The following PBX4 variants were observed in gnomAD, a reference collection of about 807,000 sequenced individuals.
PBX4 encodes the protein PBX homeobox 4.
A neutral mutation model predicts 35.1 loss-of-function variants in PBX4; 26 were observed. The observed-to-expected ratio is 0.74, with a 90% CI of 0.54 to 1.03. PBX4 has a LOEUF of 1.03. Ranked by LOEUF, PBX4 falls within the 50% of genes least tolerant of loss-of-function variation. The pLI, the probability that PBX4 is intolerant of heterozygous loss-of-function variation, is 0.00. For missense variants in PBX4, 448 were observed against 504.3 expected (o/e 0.89, Z 1.07); for synonymous variants, 199 against 204.2 (o/e 0.97, Z 0.22).
chr19:19,565,039 C>A lies in PBX4; in HGVS notation c.819G>T (p.Gly273=), dbSNP rs780220611. 1.9e-6 allele frequency: 3 copies of A among 1,614,214 alleles called. No individual in the cohort carries two copies. The highest frequency in any genetic ancestry group is 2.5e-6 in the Non-Finnish European group (3 of 1,180,044). The change falls in exon 6 of 8, where the codon GGG becomes GGT. Residue 273 remains glycine (G), a synonymous_variant. Coordinates refer to ENST00000251203, the MANE Select transcript of PBX4 (RefSeq NM_025245.3). Reference sequence around the variant, plus strand: ...AAATGGTAGCCTCTTCTTGAAACTTCCCCATGTTCTTTTTATACCGGATTC... The same window carrying A: ...AAATGGTAGCCTCTTCTTGAAACTTACCCATGTTCTTTTTATACCGGATTC... ...NKRIRYKKNM[G]KFQEEATIYT...
intron 2 of PBX4, among the ~76,000 whole-genome samples, chr19:19,596,482 GT>G (rs1347019699): frequency 6.6e-6 from 1 of 152,186 alleles, no homozygotes; most frequent in Non-Finnish European, 1.5e-5. Flanking sequence ...GTGTGTGTGT[GT>G]ACACACGCAT....
intron 2 of PBX4, among the ~76,000 whole-genome samples, chr19:19,571,160 C>A (rs1447674328): frequency 6.6e-6 from 1 of 152,182 alleles, no homozygotes; most frequent in Non-Finnish European, 1.5e-5. Context: ...GTCACCTGAA[C>A]CCCTGAACCG....
At chr19:19,615,259 A>AT (rs1230257462) in intron 1 of PBX4, among the ~76,000 whole-genome samples, 1 of 150,534 alleles carries the variant, frequency 6.6e-6, no homozygotes, top group Admixed American at 6.6e-5. Flanking sequence ...AGGTGTGAAG[A>AT]TTGCTTGGGC....
chr19:19,588,300 G>T, intron 2 of PBX4: 1 of 1,112,046 alleles, frequency 9.0e-7, no homozygotes, highest in Non-Finnish European at 1.4e-6. Flanking sequence ...CCAGAGTGCA[G>T]GGACGCACAT....
chr19:19,568,974 C>T (rs1388744913), intron 5 of PBX4, among the ~76,000 whole-genome samples: 7 of 152,230 alleles, frequency 4.6e-5, no homozygotes, highest in Non-Finnish European at 8.8e-5. Context: ...ACGGGGAGAG[C>T]GCTGGAGTCC....
At chr19:19,586,887 C>T (rs1036862699) in intron 2 of PBX4, among the ~76,000 whole-genome samples, 5 of 151,044 alleles carry the variant, frequency 3.3e-5, no homozygotes, top group Non-Finnish European at 1.5e-5. Context: ...GCCGAGATCG[C>T]GCCACTGTAC....
At chr19:19,576,544 T>A (rs560409487) in intron 2 of PBX4, among the ~76,000 whole-genome samples, 125 of 152,064 alleles carry the variant, frequency 8.2e-4, no homozygotes, top group Admixed American at 2.6e-3. Flanking sequence ...ATTTTTTTTT[T>A]AAATCATTTA....
intron 5 of PBX4, among the ~76,000 whole-genome samples, chr19:19,566,101 G>A (rs1255319326): frequency 6.6e-6 from 1 of 151,844 alleles, no homozygotes; most frequent in African/African-American, 2.4e-5. Flanking sequence ...AGCTGTTATC[G>A]TCCCTGCTGT....
At chr19:19,593,099 C>CGTT (rs997022815) in intron 2 of PBX4, among the ~76,000 whole-genome samples, 2 of 152,268 alleles carry the variant, frequency 1.3e-5, no homozygotes, top group African/African-American at 2.4e-5. Flanking sequence ...TAATCTTTGC[C>CGTT]GTTGTTGTTG....
At chr19:19,594,310 C>A (rs937595157) in intron 2 of PBX4, among the ~76,000 whole-genome samples, 1 of 150,436 alleles carries the variant, frequency 6.6e-6, no homozygotes. Context: ...GAGGCTGAGG[C>A]AGGAAAATTG....
chr19:19,574,360 T>A (rs1162577273), intron 2 of PBX4, among the ~76,000 whole-genome samples: 27 of 152,202 alleles, frequency 1.8e-4, no homozygotes, highest in Admixed American at 1.8e-3. Flanking sequence ...CACATACTTA[T>A]TTAAGCAGAC....
chr19:19,616,630 T>C (rs2061690512), intron 1 of PBX4, among the ~76,000 whole-genome samples: 1 of 151,372 alleles, frequency 6.6e-6, no homozygotes, highest in Non-Finnish European at 1.5e-5. Context: ...CAAACAAAAC[T>C]CTTTACTGAG....
chr19:19,563,498 C>G lies in PBX4; in HGVS notation c.1032+11G>C, dbSNP rs1462005485. ...CCACCTGGGCGCTGTGGGACAGTGCCTGAGACTCACCTGGGACTGCAGGCA... is the reference window on the plus strand; with the variant it reads ...CCACCTGGGCGCTGTGGGACAGTGCGTGAGACTCACCTGGGACTGCAGGCA... On this transcript the variant is annotated intron_variant, in intron 7 of 7. Transcript: ENST00000251203. The surrounding 1 kb of genome is among the most constrained non-coding windows in gnomAD (Gnocchi z 5.1). 1 of 1,544,990 alleles carries G rather than the reference C, an allele frequency of 6.5e-7. No individual in the cohort carries two copies. The highest frequency in any genetic ancestry group is 2.0e-5 in the Admixed American group (1 of 50,868).
chr19:19,604,478 A>AAAAAAAAAAAAAG (rs71170701), intron 1 of PBX4, among the ~76,000 whole-genome samples: 1 of 150,626 alleles, frequency 6.6e-6, no homozygotes, highest in Non-Finnish European at 1.5e-5. Context: ...AAAAAAAAAA[A>AAAAAAAAAAAAAG]GGAATACAAC....
intron 1 of PBX4, among the ~76,000 whole-genome samples, chr19:19,616,203 G>C (rs2061687976): frequency 6.6e-6 from 1 of 152,148 alleles, no homozygotes; most frequent in African/African-American, 2.4e-5. Flanking sequence ...ACGGATCCTG[G>C]CTGGCTGACA....
chr19:19,565,971 C>T (rs1426137989), intron 5 of PBX4, among the ~76,000 whole-genome samples: 2 of 151,818 alleles, frequency 1.3e-5, no homozygotes, highest in African/African-American at 4.8e-5. Context: ...CTCTGTTGCC[C>T]AGGCTGGTCT....
intron 2 of PBX4, among the ~76,000 whole-genome samples, chr19:19,595,862 C>G (rs1247342910): frequency 6.6e-6 from 1 of 152,154 alleles, no homozygotes; most frequent in Non-Finnish European, 1.5e-5. Flanking sequence ...GGAGCAGGCT[C>G]TCACTGTTGG....
Position 19,562,192 on chromosome 19 carries a change from G to A in PBX4, c.1033-75C>T, listed in dbSNP as rs1390299899. 25 of 1,106,270 alleles carry A rather than the reference G, an allele frequency of 2.3e-5. No homozygotes were observed. The highest frequency in any genetic ancestry group is 2.2e-4 in the Middle Eastern group (1 of 4,564). The allele number at this position is 1,106,270 out of a possible 1,614,324, so 68.5% of individuals were successfully genotyped here. On this transcript the variant is annotated intron_variant, in intron 7 of 7. Coordinates refer to ENST00000251203, the MANE Select transcript of PBX4 (RefSeq NM_025245.3). This position sits in a 1 kb window ranked among gnomAD's most constrained non-coding sequence, Gnocchi z 4.8. ...ACTACCCAGCCCACGTGCTGCAGGC[G>A]GAGCCTCCAGGGGTCCCTGGGAAGG...
At position 19,618,520 on chromosome 19, in the gene PBX4, G is replaced by T; in HGVS notation, c.110C>A (p.Ala37Glu). Reference sequence around the variant, plus strand: ...AGCCCGCGGGCAGCACCTGGCCTGTGCCTCGTCCAGGCTCTGGTCGGTGAT... The same window carrying T: ...AGCCCGCGGGCAGCACCTGGCCTGTTCCTCGTCCAGGCTCTGGTCGGTGAT... ...MAITDQSLDE[A>E]QARKHALNCH... Residue 37 changes from alanine to glutamate, a missense_variant, in exon 1 of 8, where the codon GCA (alanine) becomes GAA (glutamate). Ala to Glu is a moderately radical substitution (Grantham distance 107). Transcript: ENST00000251203. 6.7e-7 allele frequency: 1 copy of T among 1,482,002 alleles called. No homozygotes were observed. Among genetic ancestry groups the T allele is most frequent in the Non-Finnish European group, 9.0e-7 (1 of 1,112,138 alleles). The allele number at this position is 1,482,002 out of a possible 1,614,324, so 91.8% of individuals were successfully genotyped here.
Sources: allele counts gnomAD v4.1 joint callset (sites outside exome capture counted in the v4.1 genomes callset), GRCh38; gene constraint gnomAD v4.1.1; non-coding constraint Gnocchi (gnomAD v3.1); transcripts MANE v1.5; gene names NCBI Gene and HGNC (gene_info 2026-07-23, HGNC 2026-07-21).